Variants in SFT2D2 observed in about 807,000 individuals in gnomAD.
The protein encoded by SFT2D2 is SFT2 domain containing 2.
In SFT2D2, 21 loss-of-function variants were observed where a neutral mutation model predicts 27.4. The ratio of observed to expected loss-of-function variants is 0.77; its 90% CI spans 0.54 to 1.10. The LOEUF is 1.10. SFT2D2 is among the 50% of genes least tolerant of loss of function. SFT2D2 has a pLI of 0.00. For missense variants in SFT2D2, 187 were observed against 194.2 expected, an observed-to-expected ratio of 0.96 and a Z score of 0.22; for synonymous variants, 72 against 71.7, an observed-to-expected ratio of 1.00 and a Z score of -0.02.
At position 168,246,198 on chromosome 1, in the gene SFT2D2, A is replaced by G. The variant is rs769312407; in HGVS notation, c.*3658A>G. On this transcript the variant is annotated 3_prime_UTR_variant, in exon 8 of 8. Coordinates refer to ENST00000271375, the MANE Select transcript of SFT2D2 (RefSeq NM_199344.3). ...TTGATCATCCTCTTGTTCTTCTAGC[A>G]AAAGACGGTGCTTTATGCACTCAGC... is the stretch of plus-strand genomic sequence containing the variant. The G allele has an allele frequency of 3.7e-6, 1 of 267,878 alleles. No homozygotes were observed. Among genetic ancestry groups the G allele is most frequent in the Non-Finnish European group, 7.4e-6 (1 of 135,358 alleles). The allele number at this position is 267,878 out of a possible 1,614,324, so 16.6% of individuals were successfully genotyped here.
rs115954723 is a variant in SFT2D2 at position 168,236,066 on chromosome 1, A to C, written c.319-523A>C. 4.1e-3 allele frequency among the ~76,000 whole-genome samples: 617 copies of C among 152,344 alleles called. 1 individual carries two copies. Among genetic ancestry groups the C allele is most frequent in the African/African-American group, 0.014 (601 of 41,584 alleles). On this transcript the variant is annotated intron_variant, in intron 4 of 7. Transcript: ENST00000271375. The stretch of plus-strand genomic sequence containing the variant: ...GCTCTAGCACCAGTTGTCCTTGGCC[A>C]GCCTCAGATGCCCACGGCCTGGACA...
At chr1:168,235,351 G>A (rs1014709517) in intron 4 of SFT2D2, among the ~76,000 whole-genome samples, 169 bp downstream of exon 4, 1 of 152,040 alleles carries the variant, frequency 6.6e-6, no homozygotes, top group Non-Finnish European at 1.5e-5. Flanking sequence ...GTAATACTAC[G>A]ATCCCCTCCT....
intron 1 of SFT2D2, among the ~76,000 whole-genome samples, chr1:168,226,391 C>A (rs962923167): frequency 5.9e-5 from 9 of 152,126 alleles, no homozygotes; most frequent in African/African-American, 1.9e-4. Flanking sequence ...AGGAGGAAAT[C>A]CCCGGACTGA....
chr1:168,247,177 CATAA>C lies in SFT2D2; in HGVS notation c.*4643_*4646del, dbSNP rs747321619. 4 of 268,530 alleles carry C rather than the reference CATAA, an allele frequency of 1.5e-5. No homozygotes were observed. In the South Asian group the frequency reaches 1.6e-4, roughly 11 times the overall value. 16.6% of individuals were successfully genotyped at this position (268,530 alleles called of 1,614,324 possible). Reference sequence around the variant, plus strand: ...ATCTTTAAGTTCCACTGATCTTTTACATAAATAAACTGCATTTTTAATTTTCTTT... The same window carrying C: ...ATCTTTAAGTTCCACTGATCTTTTACATAAACTGCATTTTTAATTTTCTTT... On this transcript the variant is annotated 3_prime_UTR_variant, in exon 8 of 8. Coordinates refer to ENST00000271375, the MANE Select transcript of SFT2D2 (RefSeq NM_199344.3).
chr1:168,234,410 C>CA (rs147035118), intron 3 of SFT2D2, among the ~76,000 whole-genome samples: 5 of 148,568 alleles, frequency 3.4e-5, no homozygotes, highest in Admixed American at 6.7e-5. Flanking sequence ...AAAAAACAAA[C>CA]AAAAAAAACC....
intron 6 of SFT2D2, among the ~76,000 whole-genome samples, chr1:168,237,450 C>T (rs942266640): frequency 4.6e-5 from 7 of 152,144 alleles, no homozygotes; most frequent in Non-Finnish European, 8.8e-5. Context: ...CAAGCCTATA[C>T]GACCTCAGAG....
At chr1:168,236,324 G>C in intron 4 of SFT2D2, among the ~76,000 whole-genome samples, 1 of 152,162 alleles carries the variant, frequency 6.6e-6, no homozygotes, top group East Asian at 1.9e-4. Flanking sequence ...TGAATGGGTG[G>C]GCCTGAAATG....
intron 2 of SFT2D2, 36 bp from the exon 3 acceptor site, chr1:168,231,798 G>T: frequency 1.2e-6 from 2 of 1,603,320 alleles, no homozygotes; most frequent in Middle Eastern, 3.3e-4. Context: ...GGGTGGGAGG[G>T]TTGCTCATGT....
At chr1:168,227,753 A>G (rs1430921962) in intron 1 of SFT2D2, among the ~76,000 whole-genome samples, 2 of 152,166 alleles carry the variant, frequency 1.3e-5, no homozygotes, top group Non-Finnish European at 2.9e-5. Flanking sequence ...ATAGACTGTC[A>G]ACAAGCCTTT....
rs146551414 is a variant in SFT2D2, at chr1:168,236,293, A to G, written c.319-296A>G. Reference sequence around the variant, plus strand: ...GTTAAGCTTACTTTAGTGCATTTGAATGAAAAGATGGATGGACGGATGAAT... The same window carrying G: ...GTTAAGCTTACTTTAGTGCATTTGAGTGAAAAGATGGATGGACGGATGAAT... On this transcript the variant is annotated intron_variant, in intron 4 of 7. Coordinates refer to ENST00000271375, the MANE Select transcript of SFT2D2 (RefSeq NM_199344.3). Among the ~76,000 whole-genome samples the G allele has an allele frequency of 3.6e-3, 545 of 152,360 alleles. 4 individuals carry two copies. Among genetic ancestry groups the G allele is most frequent in the African/African-American group, 0.012 (509 of 41,590 alleles).
Position 168,246,345 on chromosome 1 carries a change from A to G in SFT2D2, c.*3805A>G. Reference sequence around the variant, plus strand: ...TTGAAGCAACATATTTTGTCTTCGTAGTTGACATAATCTTACTTGCTTTTC... The same window carrying G: ...TTGAAGCAACATATTTTGTCTTCGTGGTTGACATAATCTTACTTGCTTTTC... On this transcript the variant is annotated 3_prime_UTR_variant, in exon 8 of 8. Transcript: ENST00000271375. 1 of 475,536 alleles carries G rather than the reference A, an allele frequency of 2.1e-6. No individual in the cohort carries two copies. Among genetic ancestry groups the G allele is most frequent in the Non-Finnish European group, 3.8e-6 (1 of 266,448 alleles). 29.5% of individuals were successfully genotyped at this position (475,536 alleles called of 1,614,324 possible).
Position 168,246,088 on chromosome 1 carries a change from T to C in SFT2D2, c.*3548T>C, listed in dbSNP as rs1647804056. The stretch of plus-strand genomic sequence containing the variant: ...GATTGTTTAGGACGTCACCCTGTTT[T>C]TGTTGAAGTTGTCTCACAACTACTT... On this transcript the variant is annotated 3_prime_UTR_variant, in exon 8 of 8. Transcript: ENST00000271375. 4.3e-6 allele frequency: 1 copy of C among 230,110 alleles called. No homozygotes were observed. Among genetic ancestry groups the C allele is most frequent in the African/African-American group, 2.4e-5 (1 of 42,062 alleles). 14.3% of individuals were successfully genotyped at this position (230,110 alleles called of 1,614,324 possible). A position where few individuals can be genotyped will look rare whatever the true frequency, so the allele number is the denominator to read the frequency against.
Position 168,246,979 on chromosome 1 carries a change from T to G in SFT2D2, c.*4439T>G. On this transcript the variant is annotated 3_prime_UTR_variant, in exon 8 of 8. Coordinates refer to ENST00000271375, the MANE Select transcript of SFT2D2 (RefSeq NM_199344.3). ...ATTTCATCTTGCATCAAATGGTTTT[T>G]ATGCAACAGGTCTTCTTCTTTTTCA... 3.4e-6 allele frequency: 2 copies of G among 592,806 alleles called. No individual in the cohort carries two copies. Among genetic ancestry groups the G allele is most frequent in the Non-Finnish European group, 6.3e-6 (2 of 318,026 alleles). 36.7% of individuals were successfully genotyped at this position (592,806 alleles called of 1,614,324 possible). A position where few individuals can be genotyped will look rare whatever the true frequency, so the allele number is the denominator to read the frequency against.
rs1052953648 is a variant in SFT2D2 at position 168,252,197 on chromosome 1, A to G, written c.*9657A>G. 5 of 152,198 alleles carry G rather than the reference A, an allele frequency of 3.3e-5. No homozygotes were observed. The highest frequency in any genetic ancestry group is 1.2e-4 in the African/African-American group (5 of 41,448). The allele number at this position is 152,198 out of a possible 1,614,324, so 9.4% of individuals were successfully genotyped here. A position where few individuals can be genotyped will look rare whatever the true frequency, so the allele number is the denominator to read the frequency against. ...GATAATGGTCTTAGAAATGTAGAAA[A>G]TGATTTTTTGTAGACAGGATGATCT... On this transcript the variant is annotated 3_prime_UTR_variant, in exon 8 of 8. Coordinates refer to ENST00000271375, the MANE Select transcript of SFT2D2 (RefSeq NM_199344.3).
At position 168,244,919 on chromosome 1, in the gene SFT2D2, C is replaced by T. The variant is rs528823258; in HGVS notation, c.*2379C>T. ...AAATAATCTCAGCAAACTAGGGATA[C>T]AAGAGAATTTCCTCAACCTGTCGAA... is the stretch of plus-strand genomic sequence containing the variant. On this transcript the variant is annotated 3_prime_UTR_variant, in exon 8 of 8. Coordinates refer to ENST00000271375, the MANE Select transcript of SFT2D2 (RefSeq NM_199344.3). 1 of 152,058 alleles carries T rather than the reference C, an allele frequency of 6.6e-6. No homozygotes were observed. The highest frequency in any genetic ancestry group is 1.9e-4 in the East Asian group (1 of 5,176). The allele number at this position is 152,058 out of a possible 1,614,324, so 9.4% of individuals were successfully genotyped here. A position where few individuals can be genotyped will look rare whatever the true frequency, so the allele number is the denominator to read the frequency against.
chr1:168,227,347 C>T (rs576225987), intron 1 of SFT2D2, among the ~76,000 whole-genome samples: 6 of 152,278 alleles, frequency 3.9e-5, no homozygotes, highest in South Asian at 2.1e-4. Context: ...ATCAGTGTTT[C>T]TTCTGGTTTC....
Position 168,244,206 on chromosome 1 carries a change from CT to C in SFT2D2, c.*1667del, listed in dbSNP as rs1647735547. The C allele has an allele frequency of 6.7e-6, 1 of 149,830 alleles. No homozygotes were observed. The highest frequency in any genetic ancestry group is 2.0e-4 in the East Asian group (1 of 5,076). 9.3% of individuals were successfully genotyped at this position (149,830 alleles called of 1,614,324 possible). A position where few individuals can be genotyped will look rare whatever the true frequency, so the allele number is the denominator to read the frequency against. ...TTTTTTTTTCTTTTTGAGATGGAGTCTCACTCCGTCGCCCAGGCTGGAGTGC... is the reference window on the plus strand; with the variant it reads ...TTTTTTTTTCTTTTTGAGATGGAGTCCACTCCGTCGCCCAGGCTGGAGTGC... On this transcript the variant is annotated 3_prime_UTR_variant, in exon 8 of 8. Coordinates refer to ENST00000271375, the MANE Select transcript of SFT2D2 (RefSeq NM_199344.3).
In SFT2D2 at chr1:168,226,029, A is replaced by T; in HGVS notation, c.-51A>T. ...ACCCGGAAGAGCCGTCAACTTAGCG[A>T]GCGCAACAGGCTGCCGCTGAGGAGC... On this transcript the variant is annotated 5_prime_UTR_variant, in exon 1 of 8. Coordinates refer to ENST00000271375, the MANE Select transcript of SFT2D2 (RefSeq NM_199344.3). 1.4e-6 allele frequency: 2 copies of T among 1,455,112 alleles called. No individual in the cohort carries two copies. The highest frequency in any genetic ancestry group is 1.8e-6 in the Non-Finnish European group (2 of 1,094,496). 90.1% of individuals were successfully genotyped at this position (1,455,112 alleles called of 1,614,324 possible).
intron 3 of SFT2D2, among the ~76,000 whole-genome samples, chr1:168,233,019 T>C (rs779895642): frequency 6.6e-6 from 1 of 152,210 alleles, no homozygotes; most frequent in Non-Finnish European, 1.5e-5. Context: ...ATAGCCCTGC[T>C]TAGCCCCCTC....
Sources: gnomAD v4.1 joint callset for allele counts (sites outside exome capture counted in the v4.1 genomes callset) on GRCh38, gnomAD v4.1.1 for gene constraint, MANE v1.5 for transcripts, NCBI Gene and HGNC (gene_info 2026-07-23, HGNC 2026-07-21) for gene names.